ZNF335: variants seen among roughly 807,000 people sequenced by gnomAD.
The protein encoded by ZNF335 is NRC-interacting factor 1.
A neutral mutation model predicts 145.6 loss-of-function variants in ZNF335; 84 were observed. That is an observed-to-expected ratio of 0.58 (90% CI 0.48 to 0.69). ZNF335 has a LOEUF of 0.69. ZNF335 is among the 30% of genes least tolerant of loss of function. The pLI, the probability that ZNF335 is intolerant of heterozygous loss-of-function variation, is 0.00. For synonymous variants in ZNF335, 761 were observed against 717.0 expected (o/e 1.06, Z -0.98); for missense variants, 1,865 against 1,809.7 (o/e 1.03, Z -0.55).
At position 45,948,790 on chromosome 20, in the gene ZNF335, C is replaced by T; in HGVS notation, c.*163G>A. ...AGCATGTCCTGGCTGGGGCCCATGG[C>T]TGCCCCTAACCCCAACAGCACAGGT... On this transcript the variant is annotated 3_prime_UTR_variant, in exon 28 of 28. Coordinates refer to ENST00000322927, the MANE Select transcript of ZNF335 (RefSeq NM_022095.4). 1 of 1,143,746 alleles carries T rather than the reference C, an allele frequency of 8.7e-7. No homozygotes were observed. 70.8% of individuals were successfully genotyped at this position (1,143,746 alleles called of 1,614,324 possible).
intron 17 of ZNF335, among the ~76,000 whole-genome samples, 170 bp downstream of exon 17, chr20:45,957,416 G>T (rs148610876): frequency 6.6e-6 from 1 of 152,354 alleles, no homozygotes; most frequent in African/African-American, 2.4e-5. Context: ...GGCAAAGCCT[G>T]TTCCTCTCTG....
chr20:45,957,542 A>T, intron 17 of ZNF335, 44 bp downstream of exon 17: 1 of 1,577,642 alleles, frequency 6.3e-7, no homozygotes, highest in Non-Finnish European at 8.7e-7. Flanking sequence ...AGGGCTGGGT[A>T]CCTGCGGTAG....
Position 45,949,477 on chromosome 20 carries a change from T to G in ZNF335, c.3753+8A>C. 1 of 1,613,852 alleles carries G rather than the reference T, an allele frequency of 6.2e-7. No individual in the cohort carries two copies. Among genetic ancestry groups the G allele is most frequent in the South Asian group, 1.1e-5 (1 of 91,080 alleles). ...CCACACAGCACCCTCATCCCAGGTC[T>G]GGCCTACCTGGATGTGATGGCCTTC... On this transcript the variant is annotated splice_region_variant and intron_variant, in intron 25 of 27. Coordinates refer to ENST00000322927, the MANE Select transcript of ZNF335 (RefSeq NM_022095.4).
intron 6 of ZNF335, 160 bp downstream of exon 6, chr20:45,967,334 A>G (rs1181003599): frequency 6.0e-5 from 65 of 1,085,056 alleles, no homozygotes; most frequent in Non-Finnish European, 1.2e-5. Flanking sequence ...AACTGCACAC[A>G]GAAGTCCTGG....
rs2084078828 is a variant in ZNF335 at position 45,971,877 on chromosome 20, A to G, written c.-51+245T>C. The G allele has an allele frequency of 3.0e-6, 3 of 985,220 alleles. No individual in the cohort carries two copies. The Admixed American group carries it at 1.8e-4, about 61-fold the overall frequency. The allele number at this position is 985,220 out of a possible 1,614,324, so 61.0% of individuals were successfully genotyped here. The stretch of plus-strand genomic sequence containing the variant: ...TCCCCTGCGGAGGCGGCTGACAGCG[A>G]CGGTCTCGGGGCCTGGCGATTTGGG... On this transcript the variant is annotated intron_variant, in intron 1 of 27. Transcript: ENST00000322927.
chr20:45,952,070 G>A, intron 20 of ZNF335, 77 bp downstream of exon 20: 1 of 1,502,426 alleles, frequency 6.7e-7, no homozygotes, highest in Admixed American at 2.2e-5. Context: ...GCTTGAAAGG[G>A]CACTCATTAA....
intron 17 of ZNF335, 56 bp downstream of exon 17, chr20:45,957,530 G>T: frequency 6.5e-7 from 1 of 1,539,086 alleles, no homozygotes; most frequent in Non-Finnish European, 9.0e-7. Flanking sequence ...AGTGTCCAGT[G>T]CAGGGCTGGG....
rs200331785 is a variant in ZNF335 at position 45,967,923 on chromosome 20, C to T, written c.625G>A (p.Ala209Thr). Residue 209 changes from alanine (A) to threonine (T), a missense_variant, in exon 5 of 28, where the codon GCA (alanine) becomes ACA (threonine). Coordinates refer to ENST00000322927, the MANE Select transcript of ZNF335 (RefSeq NM_022095.4). The stretch of plus-strand genomic sequence containing the variant: ...ACCGGGGAGCTGGGCCCACCCTGTG[C>T]CTCCAGGCATGTGGATGTGGATGTG... ...GPTSTSTCLE[A>T]QGGPSSPVQL... 3.1e-6 allele frequency: 5 copies of T among 1,612,904 alleles called. No individual in the cohort carries two copies. The East Asian group carries it at 1.1e-4, about 36-fold the overall frequency.
chr20:45,952,734 G>A (rs2083658373), intron 18 of ZNF335, 25 bp from the exon 19 acceptor site: 2 of 1,607,738 alleles, frequency 1.2e-6, no homozygotes, highest in Non-Finnish European at 1.7e-6. Flanking sequence ...AAGGTTCTAG[G>A]AGAAGATGGA....
At chr20:45,950,829 T>C (rs2083617805) in intron 20 of ZNF335, among the ~76,000 whole-genome samples, 1 of 151,990 alleles carries the variant, frequency 6.6e-6, no homozygotes, top group African/African-American at 2.4e-5. Context: ...AATTGGAAAA[T>C]CTCACTTTAC....
At chr20:45,962,654 C>T (rs1284641625) in intron 9 of ZNF335, among the ~76,000 whole-genome samples, 4 of 152,184 alleles carry the variant, frequency 2.6e-5, no homozygotes, top group Non-Finnish European at 5.9e-5. Flanking sequence ...GGCCGAGCCA[C>T]AGTTTCCTGG....
intron 2 of ZNF335, chr20:45,970,053 TTAGCTGG>T: frequency 5.3e-6 from 1 of 187,790 alleles, no homozygotes; most frequent in Middle Eastern, 2.2e-3. Context: ...TCACCACCAT[TTAGCTGG>T]TACCTCTTCT....
intron 18 of ZNF335, among the ~76,000 whole-genome samples, chr20:45,953,237 G>A (rs2083666555): frequency 6.6e-6 from 1 of 152,212 alleles, no homozygotes; most frequent in South Asian, 2.1e-4. Flanking sequence ...ATTCACTGTA[G>A]GGAAGCCAAG....
intron 20 of ZNF335, 50 bp downstream of exon 20, chr20:45,952,097 C>T (rs781147872): frequency 4.8e-5 from 74 of 1,539,194 alleles, no homozygotes; most frequent in Non-Finnish European, 5.9e-5. Flanking sequence ...GTTATACAAA[C>T]GAGTAGCCCA....
Position 45,954,770 on chromosome 20 carries a change from CTTTTT to C in ZNF335, c.2443-827_2443-823del, listed in dbSNP as rs10577924. ...AACCTCATTTACGGTCATACAATTA[CTTTTT>C]TTTTTTTTTTTTTTTTTTGAGACTG... On this transcript the variant is annotated intron_variant, in intron 17 of 27. Transcript: ENST00000322927. 5.5e-5 allele frequency among the ~76,000 whole-genome samples: 5 copies of C among 90,144 alleles called. No homozygotes were observed. The East Asian group carries it at 1.0e-3, about 18-fold the overall frequency. 59.1% of individuals were successfully genotyped at this position (90,144 alleles called of 152,430 possible).
At chr20:45,951,306 TG>T (rs2083627356) in intron 20 of ZNF335, among the ~76,000 whole-genome samples, 1 of 152,222 alleles carries the variant, frequency 6.6e-6, no homozygotes, top group Non-Finnish European at 1.5e-5. Flanking sequence ...AGTGCATGAC[TG>T]GATCTGAAAA....
chr20:45,949,292 C>T lies in ZNF335; in HGVS notation c.3819+41G>A, dbSNP rs762829539. On this transcript the variant is annotated intron_variant, in intron 26 of 27. Transcript: ENST00000322927. ...TGATAAGATGCTGGCCTGGAGAAAC[C>T]TGCCTGTGCCCCAGGTCTCCCTGTC... 8 of 1,614,034 alleles carry T rather than the reference C, an allele frequency of 5.0e-6. No individual in the cohort carries two copies. The Admixed American group carries it at 1.3e-4, about 27-fold the overall frequency.
rs767945492 is a variant in ZNF335 at position 45,952,537 on chromosome 20, G to A, written c.2815-16C>T. On this transcript the variant is annotated splice_polypyrimidine_tract_variant and intron_variant, in intron 19 of 27. Coordinates refer to ENST00000322927, the MANE Select transcript of ZNF335 (RefSeq NM_022095.4). ...CTGCGGTGAGCTGTAGAGAGACAGG[G>A]AGCATGAGGTACTGAGAAGGGGAGG... 8 of 1,602,882 alleles carry A rather than the reference G, an allele frequency of 5.0e-6. No homozygotes were observed. The highest frequency in any genetic ancestry group is 3.4e-5 in the Admixed American group (2 of 59,582).
rs898971685 is a variant in ZNF335 at position 45,954,663 on chromosome 20, A to G, written c.2443-715T>C. Among the ~76,000 whole-genome samples the G allele has an allele frequency of 1.7e-4, 26 of 152,150 alleles. 1 individual carries two copies. The highest frequency in any genetic ancestry group is 6.6e-4 in the Admixed American group (10 of 15,266). On this transcript the variant is annotated intron_variant, in intron 17 of 27. Transcript: ENST00000322927. The stretch of plus-strand genomic sequence containing the variant: ...TCCTGCAAAGCAATAACTAAAAGCT[A>G]ACAATAGAAAAACAAATACAGGACA...
Sources: allele counts gnomAD v4.1 joint callset (sites outside exome capture counted in the v4.1 genomes callset), GRCh38; gene constraint gnomAD v4.1.1; transcripts MANE v1.5; gene names NCBI Gene and HGNC (gene_info 2026-07-23, HGNC 2026-07-21).